CCDC178: variants seen among roughly 807,000 people sequenced by gnomAD.
CCDC178 encodes the protein coiled-coil domain-containing protein 178.
CCDC178 carries 126 observed loss-of-function variants against 117.4 expected under a neutral mutation model. The ratio of observed to expected loss-of-function variants is 1.07; its 90% CI spans 0.93 to 1.24. The LOEUF is 1.24. Among genes scored for constraint, CCDC178 ranks in the 50% most tolerant of loss-of-function variants. The probability of loss-of-function intolerance (pLI) is 0.00; values close to 1 mark genes in which losing one functional copy is unlikely to be tolerated. For missense variants in CCDC178, 1,030 were observed against 986.9 expected, an observed-to-expected ratio of 1.04 and a Z score of -0.59; for synonymous variants, 283 against 313.4, an observed-to-expected ratio of 0.90 and a Z score of 1.02.
chr18:33,340,207 G>A (rs1341832715), intron 9 of CCDC178, among the ~76,000 whole-genome samples: 1 of 152,156 alleles, frequency 6.6e-6, no homozygotes, highest in Non-Finnish European at 1.5e-5. Flanking sequence ...TTAGCAAAGA[G>A]ACTGGTGGCA....
chr18:33,403,892 C>T (rs927177045), intron 3 of CCDC178, among the ~76,000 whole-genome samples: 1 of 152,076 alleles, frequency 6.6e-6, no homozygotes, highest in African/African-American at 2.4e-5. Context: ...CTTGTTCTCA[C>T]AGTTGAAATT....
At chr18:33,349,761 A>G (rs963142882) in intron 7 of CCDC178, among the ~76,000 whole-genome samples, 1 of 151,868 alleles carries the variant, frequency 6.6e-6, no homozygotes, top group African/African-American at 2.4e-5. Context: ...CTAAATTAAG[A>G]AAACTGTATA....
intron 16 of CCDC178, 49 bp from the exon 17 acceptor site, chr18:33,224,985 T>C: frequency 7.4e-7 from 1 of 1,348,354 alleles, no homozygotes; most frequent in South Asian, 1.8e-5. Context: ...ACTTAAACAT[T>C]TATTGAGCCT....
chr18:32,973,405 C>G (rs1474847597), intron 22 of CCDC178, among the ~76,000 whole-genome samples: 1 of 152,170 alleles, frequency 6.6e-6, no homozygotes. Flanking sequence ...AAACAAGATG[C>G]TCCTGACTTC....
chr18:33,427,194 CAATA>C (rs1207321615), intron 2 of CCDC178, among the ~76,000 whole-genome samples: 1 of 151,840 alleles, frequency 6.6e-6, no homozygotes, highest in Admixed American at 6.6e-5. Context: ...AAAGCAAAAA[CAATA>C]AAAGCAGACA....
intron 21 of CCDC178, among the ~76,000 whole-genome samples, chr18:33,016,642 C>T (rs2042506704): frequency 6.6e-6 from 1 of 151,776 alleles, no homozygotes; most frequent in South Asian, 2.1e-4. Context: ...GGGATCAGAG[C>T]TTTATTGGGG....
At chr18:33,025,050 T>C (rs1026046112) in intron 21 of CCDC178, among the ~76,000 whole-genome samples, 1 of 152,134 alleles carries the variant, frequency 6.6e-6, no homozygotes, top group Non-Finnish European at 1.5e-5. Context: ...TCCTTACGAA[T>C]ACAGATATAA....
At chr18:33,167,415 C>T (rs2058546181) in intron 20 of CCDC178, among the ~76,000 whole-genome samples, 2 of 152,196 alleles carry the variant, frequency 1.3e-5, no homozygotes, top group South Asian at 4.1e-4. Context: ...TCCACAACCT[C>T]ACCAGCATGT....
intron 21 of CCDC178, among the ~76,000 whole-genome samples, chr18:33,068,017 G>C (rs554447364): frequency 3.2e-4 from 49 of 151,698 alleles, no homozygotes; most frequent in African/African-American, 1.1e-3. Flanking sequence ...GAAATACAAA[G>C]GATTATTAGA....
At chr18:33,040,664 T>C (rs1341170438) in intron 21 of CCDC178, among the ~76,000 whole-genome samples, 3 of 151,932 alleles carry the variant, frequency 2.0e-5, no homozygotes, top group African/African-American at 7.2e-5. Context: ...AACTTCTCAA[T>C]ATTAACACAC....
intron 20 of CCDC178, among the ~76,000 whole-genome samples, chr18:33,167,467 A>G (rs1005081240): frequency 2.0e-5 from 3 of 152,180 alleles, no homozygotes; most frequent in Non-Finnish European, 2.9e-5. Flanking sequence ...GACCAGTATG[A>G]GACAGTATTT....
At chr18:33,163,339 C>T (rs1249360531) in intron 20 of CCDC178, among the ~76,000 whole-genome samples, 2 of 152,040 alleles carry the variant, frequency 1.3e-5, no homozygotes, top group Non-Finnish European at 2.9e-5. Context: ...ATGACTAAGC[C>T]AGGGCACATG....
intron 22 of CCDC178, among the ~76,000 whole-genome samples, chr18:32,960,466 A>G (rs944672239): frequency 1.3e-5 from 2 of 152,172 alleles, no homozygotes; most frequent in Non-Finnish European, 2.9e-5. Flanking sequence ...TATTTGAAAA[A>G]AATAGAGTAG....
chr18:33,397,669 C>T (rs200690712), intron 3 of CCDC178, among the ~76,000 whole-genome samples: 3 of 152,168 alleles, frequency 2.0e-5, no homozygotes, highest in South Asian at 2.1e-4. Context: ...CAATTATTTA[C>T]GCACGTCATA....
In CCDC178 at chr18:33,383,122, C is replaced by T. The variant is rs2063456440; in HGVS notation, c.208+6418G>A. ...AATTCCCCACAGTGCAGCAAAGCAG[C>T]TGTGGCCAGACTGCTTCTTTAGATC... On this transcript the variant is annotated intron_variant, in intron 5 of 22. Transcript: ENST00000383096. 3.9e-5 allele frequency among the ~76,000 whole-genome samples: 6 copies of T among 152,282 alleles called. No homozygotes were observed. The South Asian group carries it at 1.2e-3, about 32-fold the overall frequency.
intron 12 of CCDC178, among the ~76,000 whole-genome samples, chr18:33,283,296 C>T (rs528478572): frequency 3.6e-4 from 54 of 152,022 alleles, no homozygotes; most frequent in African/African-American, 1.3e-3. Flanking sequence ...TAAATTAAAC[C>T]CCCAAAGTCA....
At chr18:33,346,614 C>T (rs1476229063) in intron 8 of CCDC178, among the ~76,000 whole-genome samples, 3 of 152,002 alleles carry the variant, frequency 2.0e-5, no homozygotes, top group Admixed American at 2.0e-4. Context: ...TTTTAATAAA[C>T]ATTTTATAAA....
intron 15 of CCDC178, among the ~76,000 whole-genome samples, chr18:33,232,412 A>C (rs2059378301): frequency 1.3e-5 from 2 of 152,234 alleles, no homozygotes; most frequent in South Asian, 4.1e-4. Context: ...GAGAAGCACT[A>C]AGAGCAAAGT....
intron 11 of CCDC178, among the ~76,000 whole-genome samples, chr18:33,319,751 T>G (rs1393734822): frequency 6.6e-6 from 1 of 152,246 alleles, no homozygotes; most frequent in Non-Finnish European, 1.5e-5. Flanking sequence ...TGAGATGGTA[T>G]CTCATTGTGG....
Sources: gnomAD v4.1 joint callset for allele counts (sites outside exome capture counted in the v4.1 genomes callset) on GRCh38, gnomAD v4.1.1 for gene constraint, MANE v1.5 for transcripts, NCBI Gene and HGNC (gene_info 2026-07-23, HGNC 2026-07-21) for gene names.